GATAD2B: variants seen among roughly 807,000 people sequenced by gnomAD.
GATAD2B encodes transcriptional repressor p66-beta.
GATAD2B carries 8 observed loss-of-function variants against 64.3 expected under a neutral mutation model. The observed-to-expected ratio is 0.12, with a 90% CI of 0.07 to 0.22. The LOEUF is 0.22. Ranked by LOEUF, GATAD2B falls within the 10% of genes least tolerant of loss-of-function variation. GATAD2B has a pLI of 1.00. For missense variants in GATAD2B, 453 were observed against 752.0 expected (o/e 0.60, Z 4.65); for synonymous variants, 281 against 271.3 (o/e 1.04, Z -0.35).
At chr1:153,915,756 A>G (rs1465043817) in intron 1 of GATAD2B, among the ~76,000 whole-genome samples, 7 of 151,460 alleles carry the variant, frequency 4.6e-5, no homozygotes, top group Non-Finnish European at 2.9e-5. Flanking sequence ...AAAAAAAAAA[A>G]AAAAAGAAAA....
At chr1:153,811,374 C>T (rs1323105949) in intron 10 of GATAD2B, among the ~76,000 whole-genome samples, 2 of 152,166 alleles carry the variant, frequency 1.3e-5, no homozygotes, top group Non-Finnish European at 2.9e-5. Flanking sequence ...ATTAAATCAG[C>T]TTTGATTTTG....
intron 2 of GATAD2B, among the ~76,000 whole-genome samples, chr1:153,820,006 G>A (rs928469505): frequency 6.6e-6 from 1 of 151,520 alleles, no homozygotes; most frequent in Admixed American, 6.6e-5. Flanking sequence ...GCTGAGGCAG[G>A]AGAATCTCTT....
chr1:153,885,180 C>T (rs1570988255), intron 1 of GATAD2B, among the ~76,000 whole-genome samples: 1 of 152,220 alleles, frequency 6.6e-6, no homozygotes, highest in African/African-American at 2.4e-5. Context: ...CACTATACCA[C>T]GATGCCTTGA....
chr1:153,852,600 G>A, intron 1 of GATAD2B: 1 of 780,306 alleles, frequency 1.3e-6, no homozygotes. Context: ...TTTCTGATTG[G>A]CACTATGCAC....
intron 1 of GATAD2B, among the ~76,000 whole-genome samples, chr1:153,833,935 T>C (rs1426075573): frequency 6.6e-6 from 1 of 151,970 alleles, no homozygotes; most frequent in Non-Finnish European, 1.5e-5. Flanking sequence ...GCCCAGGAGT[T>C]TGAGACTGGC....
chr1:153,875,477 T>C (rs1676793910), intron 1 of GATAD2B, among the ~76,000 whole-genome samples: 2 of 152,166 alleles, frequency 1.3e-5, no homozygotes, highest in Non-Finnish European at 2.9e-5. Context: ...GCTTGATCTA[T>C]ACCATGCGGT....
chr1:153,877,888 A>T (rs201071214), intron 1 of GATAD2B, among the ~76,000 whole-genome samples: 5 of 98,864 alleles, frequency 5.1e-5, no homozygotes, highest in East Asian at 3.1e-4. Context: ...AAAAAAACTT[A>T]AAAAAAAAAA....
intron 1 of GATAD2B, chr1:153,852,522 T>A: frequency 2.6e-6 from 2 of 766,200 alleles, no homozygotes; most frequent in Admixed American, 1.7e-5. Context: ...CTCATCAGTA[T>A]CATCGTATCC....
At chr1:153,906,111 C>T (rs6427334) in intron 1 of GATAD2B, among the ~76,000 whole-genome samples, 125,729 of 150,476 alleles carry the variant, frequency 0.84, 52,925 homozygotes, top group Admixed American at 0.89. Context: ...CACACACACA[C>T]ACACAAAACA....
At chr1:153,861,795 A>AAT (rs1553194157) in intron 1 of GATAD2B, among the ~76,000 whole-genome samples, 42,196 of 97,912 alleles carry the variant, frequency 0.43, 9,310 homozygotes, top group Non-Finnish European at 0.49. Flanking sequence ...AAAAAAAAAA[A>AAT]ATATATATAT....
chr1:153,879,988 G>C (rs1197169209), intron 1 of GATAD2B, among the ~76,000 whole-genome samples: 6 of 151,988 alleles, frequency 3.9e-5, no homozygotes, highest in Non-Finnish European at 8.8e-5. Flanking sequence ...GCAGATGGCA[G>C]GGAAAGAATA....
intron 1 of GATAD2B, among the ~76,000 whole-genome samples, chr1:153,895,441 G>A (rs1677557017): frequency 6.6e-6 from 1 of 151,978 alleles, no homozygotes; most frequent in African/African-American, 2.4e-5. Flanking sequence ...CCAACCAGTC[G>A]TGGTGGCACA....
chr1:153,807,680 C>T lies in GATAD2B; in HGVS notation c.*2497G>A, dbSNP rs1674152123. ...TTCTCCATGATTCCCCAACTCTATA[C>T]ATCTTACTTCCAAACCCCATTCTAA... On this transcript the variant is annotated 3_prime_UTR_variant, in exon 11 of 11. Coordinates refer to ENST00000368655, the MANE Select transcript of GATAD2B (RefSeq NM_020699.4). 1 of 152,902 alleles carries T rather than the reference C, an allele frequency of 6.5e-6. No homozygotes were observed. Among genetic ancestry groups the T allele is most frequent in the South Asian group, 2.1e-4 (1 of 4,832 alleles). The allele number at this position is 152,902 out of a possible 1,614,324, so 9.5% of individuals were successfully genotyped here.
intron 4 of GATAD2B, 30 bp downstream of exon 4, chr1:153,818,761 C>T (rs759747947): frequency 6.2e-7 from 1 of 1,607,714 alleles, no homozygotes; most frequent in African/African-American, 1.3e-5. Context: ...CTTTCCTTTC[C>T]CTTAGTCCCT....
intron 1 of GATAD2B, among the ~76,000 whole-genome samples, chr1:153,866,626 T>TC (rs1430386228): frequency 6.6e-6 from 1 of 152,152 alleles, no homozygotes; most frequent in Non-Finnish European, 1.5e-5. Context: ...ATATAACCTC[T>TC]CCATTTCAGT....
At chr1:153,913,520 T>C (rs1678166222) in intron 1 of GATAD2B, among the ~76,000 whole-genome samples, 1 of 152,160 alleles carries the variant, frequency 6.6e-6, no homozygotes, top group South Asian at 2.1e-4. Flanking sequence ...ACTATCCTCC[T>C]GGGAATGCAC....
chr1:153,859,115 C>T (rs1386229038), intron 1 of GATAD2B, among the ~76,000 whole-genome samples: 3 of 152,052 alleles, frequency 2.0e-5, no homozygotes, highest in Non-Finnish European at 4.4e-5. Flanking sequence ...TGGCTCCCAG[C>T]ACTTTGGGAG....
intron 1 of GATAD2B, chr1:153,853,453 C>T (rs1243542877): frequency 2.1e-5 from 11 of 527,428 alleles, no homozygotes; most frequent in Non-Finnish European, 3.1e-5. Context: ...GGCAGTGAAG[C>T]GCCTATTTTT....
chr1:153,822,027 A>C (rs1166178913), intron 2 of GATAD2B, among the ~76,000 whole-genome samples: 1 of 151,864 alleles, frequency 6.6e-6, no homozygotes, highest in African/African-American at 2.4e-5. Context: ...CTAAAAATAC[A>C]AAAATTAGCC....
Sources: allele counts gnomAD v4.1 joint callset (sites outside exome capture counted in the v4.1 genomes callset), GRCh38; gene constraint gnomAD v4.1.1; transcripts MANE v1.5; gene names NCBI Gene and HGNC (gene_info 2026-07-23, HGNC 2026-07-21).